Variants in DLG2 observed in about 807,000 individuals in gnomAD.
DLG2 encodes the protein discs large MAGUK scaffold protein 2.
A neutral mutation model predicts 132.5 loss-of-function variants in DLG2; 45 were observed. That is an observed-to-expected ratio of 0.34 (90% CI 0.27 to 0.44). DLG2 has a LOEUF of 0.44. Among genes scored for constraint, DLG2 ranks in the 20% least tolerant of loss-of-function variants. DLG2 has a pLI of 1.00. For missense variants in DLG2, 1,045 were observed against 1,196.9 expected, an observed-to-expected ratio of 0.87 and a Z score of 1.87; for synonymous variants, 424 against 419.6, an observed-to-expected ratio of 1.01 and a Z score of -0.13.
chr11:85,243,647 G>C (rs1218999084), intron 4 of DLG2, among the ~76,000 whole-genome samples: 2 of 151,824 alleles, frequency 1.3e-5, no homozygotes, highest in East Asian at 1.9e-4. Flanking sequence ...TTATTGCAAA[G>C]TCAAAGAGAA....
chr11:83,887,943 C>T (rs935703236), intron 15 of DLG2, among the ~76,000 whole-genome samples: 11 of 141,002 alleles, frequency 7.8e-5, no homozygotes, highest in East Asian at 4.0e-4. Context: ...ATTGATAGGA[C>T]GTATCTCAAA....
intron 6 of DLG2, among the ~76,000 whole-genome samples, chr11:84,990,811 G>A (rs928717703): frequency 1.3e-5 from 2 of 152,044 alleles, no homozygotes; most frequent in Non-Finnish European, 2.9e-5. Context: ...TAGTTTCGCT[G>A]CTGTTTCTTT....
intron 8 of DLG2, among the ~76,000 whole-genome samples, chr11:84,226,570 T>C (rs531565105): frequency 6.6e-6 from 1 of 152,216 alleles, no homozygotes; most frequent in Admixed American, 6.5e-5. Flanking sequence ...AACATATGCA[T>C]TGTACAGTTC....
At chr11:85,524,332 G>A (rs186345452) in intron 3 of DLG2, among the ~76,000 whole-genome samples, 4 of 152,042 alleles carry the variant, frequency 2.6e-5, no homozygotes, top group Admixed American at 1.3e-4. Flanking sequence ...CACATTGTAT[G>A]CCTGTATCAA....
chr11:84,859,450 A>C (rs2083316005), intron 6 of DLG2, among the ~76,000 whole-genome samples: 3 of 145,552 alleles, frequency 2.1e-5, no homozygotes, highest in South Asian at 2.1e-4. Flanking sequence ...ATATACATAC[A>C]TATATACATA....
At chr11:83,687,457 G>A (rs1483683288) in intron 18 of DLG2, among the ~76,000 whole-genome samples, 1 of 152,166 alleles carries the variant, frequency 6.6e-6, no homozygotes, top group African/African-American at 2.4e-5. Flanking sequence ...TTGGTCCAGA[G>A]CAGACTGAGA....
rs371793095 is a variant in DLG2, at chr11:83,966,601, G to A, written c.1057-1133C>T. 1.1e-3 allele frequency among the ~76,000 whole-genome samples: 162 copies of A among 152,020 alleles called. 1 individual carries two copies. The highest frequency in any genetic ancestry group is 3.7e-3 in the African/African-American group (152 of 41,526). ...AGTATTTCAAATACCTAGGTTATCCGTATCTGGCTACTATATAAAAAAATA... is the reference window on the plus strand; with the variant it reads ...AGTATTTCAAATACCTAGGTTATCCATATCTGGCTACTATATAAAAAAATA... On this transcript the variant is annotated intron_variant, in intron 12 of 27. Transcript: ENST00000376104.
rs143886027 is a variant in DLG2 at position 85,187,929 on chromosome 11, G to A, written c.187-33278C>T. On this transcript the variant is annotated intron_variant, in intron 4 of 27. Coordinates refer to ENST00000376104, the MANE Select transcript of DLG2 (RefSeq NM_001142699.3). Reference sequence around the variant, plus strand: ...AGCAGACTAATTGGTAGTTCAACAGGAAGATCCACGAAATGAGACGGCCAT... The same window carrying A: ...AGCAGACTAATTGGTAGTTCAACAGAAAGATCCACGAAATGAGACGGCCAT... 4.6e-3 allele frequency among the ~76,000 whole-genome samples: 704 copies of A among 152,212 alleles called. 5 individuals carry two copies. The highest frequency in any genetic ancestry group is 0.016 in the African/African-American group (646 of 41,546).
At chr11:85,022,719 T>C (rs188524745) in intron 6 of DLG2, among the ~76,000 whole-genome samples, 3 of 152,268 alleles carry the variant, frequency 2.0e-5, no homozygotes, top group East Asian at 1.9e-4. Context: ...TCATTATTAA[T>C]ATTCACTACC....
chr11:84,382,470 A>G (rs986004378), intron 7 of DLG2, among the ~76,000 whole-genome samples: 15 of 152,126 alleles, frequency 9.9e-5, no homozygotes, highest in Admixed American at 3.3e-4. Flanking sequence ...GAAGTAGAAA[A>G]CAATCAAGAG....
At chr11:84,436,065 T>G (rs1291504973) in intron 7 of DLG2, among the ~76,000 whole-genome samples, 1 of 152,068 alleles carries the variant, frequency 6.6e-6, no homozygotes, top group African/African-American at 2.4e-5. Context: ...AAACACAACC[T>G]CAAAAGCCAA....
chr11:84,497,836 C>T (rs1182312891), intron 7 of DLG2, among the ~76,000 whole-genome samples: 1 of 152,126 alleles, frequency 6.6e-6, no homozygotes, highest in Non-Finnish European at 1.5e-5. Flanking sequence ...ATCCGCATTA[C>T]CTTGATCTGA....
At chr11:84,396,224 G>A (rs940746540) in intron 7 of DLG2, among the ~76,000 whole-genome samples, 7 of 152,128 alleles carry the variant, frequency 4.6e-5, no homozygotes, top group African/African-American at 1.7e-4. Context: ...TAAATGAAGA[G>A]TTTCCAGGAA....
At chr11:85,318,718 G>C (rs1294190906) in intron 3 of DLG2, among the ~76,000 whole-genome samples, 1 of 151,766 alleles carries the variant, frequency 6.6e-6, no homozygotes, top group Non-Finnish European at 1.5e-5. Flanking sequence ...TACTCAGAAG[G>C]TAAGGAAAGA....
chr11:84,247,702 T>C (rs1353095109), intron 8 of DLG2, among the ~76,000 whole-genome samples: 8 of 152,140 alleles, frequency 5.3e-5, no homozygotes, highest in African/African-American at 1.9e-4. Context: ...TAAAAAGAAG[T>C]CTCTTTAAAT....
intron 7 of DLG2, among the ~76,000 whole-genome samples, chr11:84,370,533 G>A (rs1438663310): frequency 1.3e-5 from 2 of 152,162 alleles, no homozygotes; most frequent in African/African-American, 4.8e-5. Context: ...GGGGAGAGTT[G>A]ACTGATGCTG....
chr11:84,922,109 T>C (rs1010269006), intron 6 of DLG2, among the ~76,000 whole-genome samples: 1 of 151,526 alleles, frequency 6.6e-6, no homozygotes, highest in African/African-American at 2.4e-5. Context: ...AATGAAACTT[T>C]AGTACCCAGA....
intron 6 of DLG2, among the ~76,000 whole-genome samples, chr11:84,739,823 C>G (rs1377329095): frequency 6.6e-6 from 1 of 152,066 alleles, no homozygotes; most frequent in Non-Finnish European, 1.5e-5. Flanking sequence ...CCTCTATGGG[C>G]ATTGAAACTT....
At chr11:84,231,921 T>A (rs867747944) in intron 8 of DLG2, among the ~76,000 whole-genome samples, 1 of 151,918 alleles carries the variant, frequency 6.6e-6, no homozygotes, top group South Asian at 2.1e-4. Context: ...GCAAACATAC[T>A]ATGTAAGGAT....
Sources: allele counts gnomAD v4.1 joint callset (sites outside exome capture counted in the v4.1 genomes callset), GRCh38; gene constraint gnomAD v4.1.1; transcripts MANE v1.5; gene names NCBI Gene and HGNC (gene_info 2026-07-23, HGNC 2026-07-21).